The following CELF4 variants were observed in gnomAD, a reference collection of about 807,000 sequenced individuals.
CELF4 encodes the protein CUG-BP- and ETR-3-like factor 4.
CELF4 carries 18 observed loss-of-function variants against 59.9 expected under a neutral mutation model. That is an observed-to-expected ratio of 0.30 (90% CI 0.21 to 0.45). CELF4 has a LOEUF of 0.45. Ranked by LOEUF, CELF4 falls within the 20% of genes least tolerant of loss-of-function variation. The pLI, the probability that CELF4 is intolerant of heterozygous loss-of-function variation, is 1.00. For missense variants in CELF4, 456 were observed against 689.0 expected, an observed-to-expected ratio of 0.66 and a Z score of 3.79; for synonymous variants, 261 against 267.1, an observed-to-expected ratio of 0.98 and a Z score of 0.22.
chr18:37,475,127 C>T (rs985710460), intron 2 of CELF4, among the ~76,000 whole-genome samples: 19 of 152,310 alleles, frequency 1.2e-4, no homozygotes, highest in African/African-American at 4.6e-4. Context: ...TAAGACACCC[C>T]TTATTGATTT....
chr18:37,547,617 G>A (rs2154605703), intron 1 of CELF4, among the ~76,000 whole-genome samples: 1 of 152,308 alleles, frequency 6.6e-6, no homozygotes, highest in South Asian at 2.1e-4. Flanking sequence ...CAGGGGGAGT[G>A]CTCTCAGCAA....
intron 2 of CELF4, among the ~76,000 whole-genome samples, chr18:37,400,244 T>C (rs1021866845): frequency 6.6e-6 from 1 of 152,224 alleles, no homozygotes; most frequent in Non-Finnish European, 1.5e-5. Flanking sequence ...CTCTGCCCTA[T>C]AGATTTCAGA....
At chr18:37,269,082 T>G (rs1429037787) in intron 8 of CELF4, among the ~76,000 whole-genome samples, 1 of 151,984 alleles carries the variant, frequency 6.6e-6, no homozygotes, top group South Asian at 2.1e-4. Flanking sequence ...GGGTGGGAAA[T>G]GAAGCCACCC....
At chr18:37,288,696 C>T (rs975466354) in intron 3 of CELF4, among the ~76,000 whole-genome samples, 6 of 152,156 alleles carry the variant, frequency 3.9e-5, no homozygotes, top group African/African-American at 1.4e-4. Flanking sequence ...CTCTGGGCAC[C>T]TGGAAGGGCT....
intron 12 of CELF4, among the ~76,000 whole-genome samples, chr18:37,249,583 A>T (rs994773005): frequency 6.6e-5 from 10 of 151,860 alleles, no homozygotes; most frequent in African/African-American, 1.9e-4. Flanking sequence ...ACACACCCTC[A>T]CACTCAGTCC....
At chr18:37,252,692 T>C (rs1428790769) in intron 12 of CELF4, among the ~76,000 whole-genome samples, 2 of 147,394 alleles carry the variant, frequency 1.4e-5, no homozygotes, top group Non-Finnish European at 3.0e-5. Context: ...ACACTGACCA[T>C]GTGGTTTAAC....
intron 1 of CELF4, among the ~76,000 whole-genome samples, chr18:37,537,019 G>A (rs1212616652): frequency 6.6e-6 from 1 of 152,216 alleles, no homozygotes; most frequent in African/African-American, 2.4e-5. Context: ...CGACTGGCGG[G>A]TGTCATAGGT....
intron 2 of CELF4, among the ~76,000 whole-genome samples, chr18:37,402,311 G>T (rs1603636729): frequency 1.3e-5 from 2 of 152,288 alleles, no homozygotes; most frequent in South Asian, 4.1e-4. Context: ...GGGAGAAGAG[G>T]CATTGGGGCC....
chr18:37,424,976 G>A (rs955581873), intron 2 of CELF4, among the ~76,000 whole-genome samples: 6 of 152,064 alleles, frequency 3.9e-5, no homozygotes, highest in African/African-American at 7.2e-5. Flanking sequence ...CGCCCCACCC[G>A]CACAGTGCTC....
intron 2 of CELF4, among the ~76,000 whole-genome samples, chr18:37,391,068 G>A (rs895652944): frequency 5.3e-5 from 8 of 152,094 alleles, no homozygotes; most frequent in African/African-American, 1.7e-4. Flanking sequence ...TCGTTTGGCC[G>A]GCCTGAGGTG....
rs36008798 is a variant in CELF4 at position 37,441,273 on chromosome 18, C to CTGTGTGTGTGTG, written c.369+44240_369+44251dup. 5.1e-3 allele frequency among the ~76,000 whole-genome samples: 726 copies of CTGTGTGTGTGTG among 143,412 alleles called. 8 individuals are homozygous for CTGTGTGTGTGTG. Among genetic ancestry groups the CTGTGTGTGTGTG allele is most frequent in the African/African-American group, 0.018 (684 of 38,302 alleles). The allele number at this position is 143,412 out of a possible 152,430, so 94.1% of individuals were successfully genotyped here. On this transcript the variant is annotated intron_variant, in intron 2 of 12. Coordinates refer to ENST00000420428, the MANE Select transcript of CELF4 (RefSeq NM_020180.4). ...CCCTACCTCCCAGAACTCAACAATG[C>CTGTGTGTGTGTG]TGTGTGTGTGTGTGTGTGTGTGTGT...
chr18:37,537,711 G>T (rs530880071), intron 1 of CELF4, among the ~76,000 whole-genome samples: 1 of 152,324 alleles, frequency 6.6e-6, no homozygotes, highest in South Asian at 2.1e-4. Context: ...CCCTCCCTTT[G>T]CTTTCTCTGA....
intron 1 of CELF4, among the ~76,000 whole-genome samples, chr18:37,526,316 T>A (rs1324747466): frequency 6.6e-6 from 1 of 152,214 alleles, no homozygotes; most frequent in Non-Finnish European, 1.5e-5. Flanking sequence ...AGTAAGCATG[T>A]CAATGCAAAC....
At chr18:37,272,956 A>G in intron 7 of CELF4, 60 bp downstream of exon 7, 1 of 1,529,080 alleles carries the variant, frequency 6.5e-7, no homozygotes, top group South Asian at 1.2e-5. Flanking sequence ...ATTAGGTCCC[A>G]GCCTGGGGCC....
intron 2 of CELF4, among the ~76,000 whole-genome samples, chr18:37,365,630 C>A (rs1046974467): frequency 6.6e-6 from 1 of 151,944 alleles, no homozygotes; most frequent in African/African-American, 2.4e-5. Flanking sequence ...GGATTACAGG[C>A]ATCCACCGCC....
In CELF4 at chr18:37,535,831, C is replaced by T. The variant is rs144444970; in HGVS notation, c.286+29525G>A. On this transcript the variant is annotated intron_variant, in intron 1 of 12. Coordinates refer to ENST00000420428, the MANE Select transcript of CELF4 (RefSeq NM_020180.4). ...ACACTGGCCACGCAGCGAGAGAGAA[C>T]ACGATTCACTTCCTGGTAAAAAGGA... 3.2e-4 allele frequency among the ~76,000 whole-genome samples: 49 copies of T among 152,298 alleles called. No individual in the cohort carries two copies. The East Asian group carries it at 8.7e-3, about 27-fold the overall frequency.
In CELF4 at chr18:37,270,748, G is replaced by T. The variant is rs577860020; in HGVS notation, c.1099+20C>A. 2.0e-5 allele frequency: 33 copies of T among 1,613,698 alleles called. No individual in the cohort carries two copies. The South Asian group carries it at 3.1e-4, about 15-fold the overall frequency. ...AAGAATGTGCTGCATACGGAAATAA[G>T]TGCTGACAGATGTGCTTACCTGGGT... is the stretch of plus-strand genomic sequence containing the variant. On this transcript the variant is annotated intron_variant, in intron 8 of 12. Coordinates refer to ENST00000420428, the MANE Select transcript of CELF4 (RefSeq NM_020180.4).
At chr18:37,336,563 C>T (rs1469497285) in intron 2 of CELF4, among the ~76,000 whole-genome samples, 1 of 152,188 alleles carries the variant, frequency 6.6e-6, no homozygotes, top group Non-Finnish European at 1.5e-5. Flanking sequence ...GTCCACCTGC[C>T]ATTTCCAAAA....
chr18:37,536,633 G>T (rs574498267), intron 1 of CELF4, among the ~76,000 whole-genome samples: 6 of 152,310 alleles, frequency 3.9e-5, no homozygotes, highest in Admixed American at 3.9e-4. Context: ...GATAGGGAGT[G>T]GGGGAGGTGG....
Sources: allele counts gnomAD v4.1 joint callset (sites outside exome capture counted in the v4.1 genomes callset), GRCh38; gene constraint gnomAD v4.1.1; transcripts MANE v1.5; gene names NCBI Gene and HGNC (gene_info 2026-07-23, HGNC 2026-07-21).